The following VWA8 variants were observed in gnomAD, a reference collection of about 807,000 sequenced individuals.
The protein encoded by VWA8 is von Willebrand factor A domain-containing protein 8.
VWA8 carries 221 observed loss-of-function variants against 241.5 expected under a neutral mutation model. The ratio of observed to expected loss-of-function variants is 0.91; its 90% CI spans 0.82 to 1.02. The LOEUF (loss-of-function observed/expected upper bound fraction) is 1.02. VWA8 is among the 50% of genes least tolerant of loss of function. The probability of loss-of-function intolerance (pLI) is 0.00; values close to 1 mark genes in which losing one functional copy is unlikely to be tolerated. For missense variants in VWA8, 2,322 were observed against 2,328.7 expected (o/e 1.00, Z 0.06); for synonymous variants, 852 against 827.1 (o/e 1.03, Z -0.52).
intron 9 of VWA8, among the ~76,000 whole-genome samples, chr13:41,876,563 GATATATT>G (rs1449594421): frequency 6.6e-6 from 1 of 151,980 alleles, no homozygotes; most frequent in Admixed American, 6.6e-5. Context: ...TTCCTCAATT[GATATATT>G]ATATACTTAT....
intron 9 of VWA8, among the ~76,000 whole-genome samples, chr13:41,877,520 AC>A (rs1289981938): frequency 6.6e-6 from 1 of 152,134 alleles, no homozygotes; most frequent in Non-Finnish European, 1.5e-5. Flanking sequence ...CTGTATCACT[AC>A]CTTTCTATAT....
intron 37 of VWA8, among the ~76,000 whole-genome samples, 162 bp downstream of exon 37, chr13:41,670,784 G>A (rs1240159565): frequency 6.6e-6 from 1 of 152,168 alleles, no homozygotes; most frequent in Non-Finnish European, 1.5e-5. Flanking sequence ...TTTAGATGGA[G>A]AATTTGTTTT....
rs890684124 is a variant in VWA8 at position 41,721,310 on chromosome 13, A to C, written c.2964+60T>G. 4.5e-6 allele frequency: 7 copies of C among 1,557,502 alleles called. No individual in the cohort carries two copies. In the Admixed American group the frequency reaches 6.9e-5, roughly 15 times the overall value. ...TTAAAAACTCTGGTACAAACTGTACAGTCTGAAAAAATAAAAAAGAGAGTG... is the reference window on the plus strand; with the variant it reads ...TTAAAAACTCTGGTACAAACTGTACCGTCTGAAAAAATAAAAAAGAGAGTG... On this transcript the variant is annotated intron_variant, in intron 25 of 44. Transcript: ENST00000379310.
intron 1 of VWA8, among the ~76,000 whole-genome samples, chr13:41,958,210 A>G (rs569095901): frequency 6.6e-6 from 1 of 152,214 alleles, no homozygotes; most frequent in African/African-American, 2.4e-5. Context: ...CCTTCTGCTT[A>G]TCAGGCTTAA....
chr13:41,651,097 TG>T (rs1340959475), intron 37 of VWA8, among the ~76,000 whole-genome samples: 2 of 151,716 alleles, frequency 1.3e-5, no homozygotes, highest in African/African-American at 2.4e-5. Context: ...CATAGACCAA[TG>T]GAACATGTGA....
chr13:41,699,262 G>A lies in VWA8; in HGVS notation c.3373C>T (p.Gln1125Ter). The A allele has an allele frequency of 6.2e-7, 1 of 1,613,968 alleles. No individual in the cohort carries two copies. Among genetic ancestry groups the A allele is most frequent in the Non-Finnish European group, 8.5e-7 (1 of 1,179,902 alleles). Reference sequence around the variant, plus strand: ...CATGTAACTACATAGAGAGTATTTTGCTCATTTTCTGAAATGACAAAAAGG... The same window carrying A: ...CATGTAACTACATAGAGAGTATTTTACTCATTTTCTGAAATGACAAAAAGG... Reference protein sequence around the residue: ...CDIATSHENEQNTLYVVTCNP... With the variant: ...CDIATSHENE The change falls in exon 29 of 45, where the codon CAA (glutamine) becomes TAA (stop). Residue 1125 changes from glutamine (Q) to a stop codon, truncating the protein, a stop_gained. Transcript: ENST00000379310. LOFTEE classifies it high-confidence loss of function.
chr13:41,891,321 C>T, intron 5 of VWA8, 99 bp downstream of exon 5: 1 of 1,422,722 alleles, frequency 7.0e-7, no homozygotes, highest in Non-Finnish European at 9.6e-7. Context: ...GCCATCTGAA[C>T]ATCTGTCCTG....
chr13:41,813,063 T>C (rs1479995076), intron 16 of VWA8, among the ~76,000 whole-genome samples: 1 of 152,062 alleles, frequency 6.6e-6, no homozygotes, highest in African/African-American at 2.4e-5. Flanking sequence ...TACTAGAAGG[T>C]CCTGCTGGAA....
intron 12 of VWA8, among the ~76,000 whole-genome samples, chr13:41,862,572 A>G (rs527995421): frequency 3.3e-5 from 5 of 152,158 alleles, no homozygotes; most frequent in African/African-American, 1.2e-4. Flanking sequence ...TAACATAAAG[A>G]ACAATTCAAC....
At position 41,617,530 on chromosome 13, in the gene VWA8, G is replaced by A. The variant is rs755101381; in HGVS notation, c.4612-2446C>T. On this transcript the variant is annotated intron_variant, in intron 37 of 44. Transcript: ENST00000379310. ...ATACTTTAAGTTTTAGGGTACATGT[G>A]CACAACGTGCAGGTTTGTTACATAT... is the stretch of plus-strand genomic sequence containing the variant. Among the ~76,000 whole-genome samples the A allele has an allele frequency of 5.5e-4, 83 of 152,144 alleles. No individual in the cohort carries two copies. In the Middle Eastern group the frequency reaches 0.017, roughly 31 times the overall value.
At chr13:41,627,899 T>C (rs1440821002) in intron 37 of VWA8, among the ~76,000 whole-genome samples, 12 of 152,084 alleles carry the variant, frequency 7.9e-5, no homozygotes, top group African/African-American at 2.7e-4. Flanking sequence ...GAGGATCACA[T>C]CTCTAAGTGG....
At chr13:41,895,543 C>T (rs905314291) in intron 4 of VWA8, among the ~76,000 whole-genome samples, 1 of 152,248 alleles carries the variant, frequency 6.6e-6, no homozygotes, top group Middle Eastern at 3.4e-3. Context: ...CAATCTGCCT[C>T]AAAGTCTTCT....
intron 37 of VWA8, among the ~76,000 whole-genome samples, chr13:41,629,925 A>G (rs1460904196): frequency 6.6e-6 from 1 of 152,212 alleles, no homozygotes; most frequent in Non-Finnish European, 1.5e-5. Context: ...CAACACCCTT[A>G]AAAAGCAGAA....
chr13:41,799,296 T>C (rs1238138560), intron 17 of VWA8, among the ~76,000 whole-genome samples: 1 of 152,208 alleles, frequency 6.6e-6, no homozygotes, highest in African/African-American at 2.4e-5. Context: ...AAGGTTGGTG[T>C]TTTCTACTAA....
chr13:41,692,504 T>C (rs1391994550), intron 30 of VWA8, among the ~76,000 whole-genome samples: 1 of 152,054 alleles, frequency 6.6e-6, no homozygotes, highest in Non-Finnish European at 1.5e-5. Flanking sequence ...TACTCACAGT[T>C]TCATCATATA....
At chr13:41,787,605 A>AAC (rs1869262142) in intron 17 of VWA8, 62 bp from the exon 18 acceptor site, 4 of 678,676 alleles carry the variant, frequency 5.9e-6, no homozygotes, top group Non-Finnish European at 9.8e-6. Flanking sequence ...GCGATTCTTA[A>AAC]ATACACACAC....
intron 17 of VWA8, among the ~76,000 whole-genome samples, chr13:41,806,929 A>C (rs575497603): frequency 6.6e-6 from 1 of 152,136 alleles, no homozygotes; most frequent in South Asian, 2.1e-4. Context: ...TTTTTTGCAA[A>C]GATAAAATTG....
chr13:41,691,752 T>C, intron 31 of VWA8, 122 bp downstream of exon 31: 1 of 832,996 alleles, frequency 1.2e-6, no homozygotes, highest in African/African-American at 1.7e-5. Context: ...GCAAGTTACT[T>C]TATATTAAAA....
chr13:41,616,599 T>C (rs544451807), intron 37 of VWA8, among the ~76,000 whole-genome samples: 1 of 152,292 alleles, frequency 6.6e-6, no homozygotes, highest in Admixed American at 6.5e-5. Flanking sequence ...ATACATATAC[T>C]GGCTACAAGA....
Sources: allele counts gnomAD v4.1 joint callset (sites outside exome capture counted in the v4.1 genomes callset), GRCh38; gene constraint gnomAD v4.1.1; transcripts MANE v1.5; gene names NCBI Gene and HGNC (gene_info 2026-07-23, HGNC 2026-07-21).